ZNF385D: variants seen among roughly 807,000 people sequenced by gnomAD.
The protein encoded by ZNF385D is zinc finger protein 659.
ZNF385D carries 15 observed loss-of-function variants against 35.8 expected under a neutral mutation model. The ratio of observed to expected loss-of-function variants is 0.42; its 90% CI spans 0.28 to 0.64. ZNF385D has a LOEUF of 0.64. Ranked by LOEUF, ZNF385D falls within the 30% of genes least tolerant of loss-of-function variation. ZNF385D has a pLI of 0.23. For missense variants in ZNF385D, 474 were observed against 494.6 expected (o/e 0.96, Z 0.39); for synonymous variants, 212 against 186.8 (o/e 1.13, Z -1.10).
At chr3:22,060,965 T>A (rs1699657846) in intron 3 of ZNF385D, among the ~76,000 whole-genome samples, 1 of 152,084 alleles carries the variant, frequency 6.6e-6, no homozygotes, top group African/African-American at 2.4e-5. Flanking sequence ...AATTAAGTAA[T>A]GACATTTTTA....
chr3:21,663,462 G>T (rs560456062), intron 2 of ZNF385D, among the ~76,000 whole-genome samples: 1 of 152,020 alleles, frequency 6.6e-6, no homozygotes, highest in Non-Finnish European at 1.5e-5. Context: ...CACCTTGATG[G>T]GTAATTCCCC....
At chr3:22,313,082 A>C (rs2125431600) in intron 2 of ZNF385D, among the ~76,000 whole-genome samples, 1 of 152,242 alleles carries the variant, frequency 6.6e-6, no homozygotes, top group East Asian at 1.9e-4. Context: ...AAAAATGATG[A>C]GTTCATGTCC....
chr3:21,581,759 C>A (rs952347351), intron 2 of ZNF385D, among the ~76,000 whole-genome samples: 5 of 152,128 alleles, frequency 3.3e-5, no homozygotes, highest in Admixed American at 6.6e-5. Flanking sequence ...AATTAATAAT[C>A]TAGCTTTTAA....
At chr3:21,667,103 A>C (rs1418660830) in intron 1 of ZNF385D, among the ~76,000 whole-genome samples, 1 of 152,186 alleles carries the variant, frequency 6.6e-6, no homozygotes, top group Non-Finnish European at 1.5e-5. Flanking sequence ...AAGTAAAGTA[A>C]GATTTGGTCG....
chr3:22,294,197 G>C (rs1243023394), intron 2 of ZNF385D, among the ~76,000 whole-genome samples: 7 of 151,992 alleles, frequency 4.6e-5, no homozygotes, highest in African/African-American at 1.7e-4. Flanking sequence ...ATACTGGGTA[G>C]GTATAGGAAA....
chr3:21,459,515 A>T lies in ZNF385D; in HGVS notation c.440-22312T>A, dbSNP rs530376280. 11 of 152,274 alleles carry T rather than the reference A, an allele frequency of 7.2e-5. No homozygotes were observed. In the East Asian group the frequency reaches 9.7e-4, roughly 13 times the overall value. The allele number at this position is 152,274 out of a possible 1,614,324, so 9.4% of individuals were successfully genotyped here. ...TACTACCATATAAATGCAAAAAAAA[A>T]TTTAAATAATATAAATGGTATAGGC... On this transcript the variant is annotated intron_variant, in intron 4 of 7. Coordinates refer to ENST00000281523, the MANE Select transcript of ZNF385D (RefSeq NM_024697.3).
chr3:21,478,429 C>T (rs1174839553), intron 4 of ZNF385D, among the ~76,000 whole-genome samples: 2 of 152,082 alleles, frequency 1.3e-5, no homozygotes, highest in African/African-American at 2.4e-5. Flanking sequence ...TATGCCCTAA[C>T]ATTATGTTCA....
intron 1 of ZNF385D, among the ~76,000 whole-genome samples, chr3:21,678,575 T>C (rs145219622): frequency 1.6e-3 from 245 of 152,230 alleles, no homozygotes; most frequent in African/African-American, 5.7e-3. Flanking sequence ...GCCTCAGGAA[T>C]TGGAGTTAGT....
intron 3 of ZNF385D, among the ~76,000 whole-genome samples, chr3:21,538,703 C>T (rs949926628): frequency 7.2e-5 from 11 of 152,048 alleles, no homozygotes; most frequent in African/African-American, 2.7e-4. Context: ...TAGAATTATA[C>T]GGTGTGAACT....
intron 3 of ZNF385D, among the ~76,000 whole-genome samples, chr3:21,958,483 G>T (rs1367309984): frequency 6.6e-6 from 1 of 151,954 alleles, no homozygotes; most frequent in Non-Finnish European, 1.5e-5. Flanking sequence ...CACCTTGCTG[G>T]GAACATGTTA....
At chr3:22,134,850 C>T (rs1704011645) in intron 3 of ZNF385D, among the ~76,000 whole-genome samples, 1 of 152,000 alleles carries the variant, frequency 6.6e-6, no homozygotes, top group Admixed American at 6.6e-5. Context: ...TATAAGGTAC[C>T]CACTCTTGGC....
At chr3:21,915,080 G>A (rs1211257056) in intron 3 of ZNF385D, among the ~76,000 whole-genome samples, 1 of 134,270 alleles carries the variant, frequency 7.4e-6, no homozygotes, top group Admixed American at 7.5e-5. Context: ...AAAAAAAAAA[G>A]AGTTGGATTT....
chr3:21,458,084 T>C (rs1702931597), intron 4 of ZNF385D, among the ~76,000 whole-genome samples: 1 of 152,074 alleles, frequency 6.6e-6, no homozygotes, highest in South Asian at 2.1e-4. Flanking sequence ...AGATTAAAAC[T>C]AGCAATGCAG....
chr3:22,252,438 G>A (rs1030285670), intron 2 of ZNF385D, among the ~76,000 whole-genome samples: 4 of 152,088 alleles, frequency 2.6e-5, no homozygotes, highest in African/African-American at 9.7e-5. Context: ...GTCTTAAGAT[G>A]AGGTGAGTAT....
intron 3 of ZNF385D, among the ~76,000 whole-genome samples, chr3:21,995,137 C>A (rs1304497728): frequency 3.3e-5 from 5 of 152,230 alleles, no homozygotes; most frequent in Admixed American, 3.3e-4. Flanking sequence ...AATAAGCCAA[C>A]CTTCAGGCCC....
At chr3:21,952,666 T>C (rs1054326012) in intron 3 of ZNF385D, among the ~76,000 whole-genome samples, 7 of 151,976 alleles carry the variant, frequency 4.6e-5, no homozygotes, top group African/African-American at 1.7e-4. Flanking sequence ...ACTCCGAGCT[T>C]GGCCTAAAAC....
chr3:22,326,586 G>A (rs1694689497), intron 2 of ZNF385D, among the ~76,000 whole-genome samples: 1 of 152,154 alleles, frequency 6.6e-6, no homozygotes, highest in Non-Finnish European at 1.5e-5. Flanking sequence ...AGTTTAAAAG[G>A]CAGGAAGAAA....
At chr3:21,610,302 C>T (rs888363938) in intron 2 of ZNF385D, among the ~76,000 whole-genome samples, 3 of 152,128 alleles carry the variant, frequency 2.0e-5, no homozygotes, top group Non-Finnish European at 2.9e-5. Context: ...CTCTCCTTCC[C>T]TTCCTGGATT....
intron 1 of ZNF385D, among the ~76,000 whole-genome samples, chr3:21,721,936 T>C (rs954224163): frequency 1.2e-4 from 19 of 152,002 alleles, no homozygotes; most frequent in Non-Finnish European, 2.4e-4. Flanking sequence ...CCATCCCTAC[T>C]AAAAATACAC....
Sources: allele counts gnomAD v4.1 joint callset (sites outside exome capture counted in the v4.1 genomes callset), GRCh38; gene constraint gnomAD v4.1.1; transcripts MANE v1.5; gene names NCBI Gene and HGNC (gene_info 2026-07-23, HGNC 2026-07-21).